CUL2: variants seen among roughly 807,000 people sequenced by gnomAD.
CUL2 encodes cullin 2, also known as cullin-2.
In CUL2, 22 loss-of-function variants were observed where a neutral mutation model predicts 110.2. The observed-to-expected ratio is 0.20, with a 90% CI of 0.14 to 0.28. The LOEUF (loss-of-function observed/expected upper bound fraction) is 0.28. Ranked by LOEUF, CUL2 falls within the 10% of genes least tolerant of loss-of-function variation. The probability of loss-of-function intolerance (pLI) is 1.00; values close to 1 mark genes in which losing one functional copy is unlikely to be tolerated. For missense variants in CUL2, 631 were observed against 905.5 expected, an observed-to-expected ratio of 0.70 and a Z score of 3.89; for synonymous variants, 279 against 293.2, an observed-to-expected ratio of 0.95 and a Z score of 0.49.
At chr10:35,063,381 G>A (rs111461522) in intron 2 of CUL2, among the ~76,000 whole-genome samples, 2 of 152,052 alleles carry the variant, frequency 1.3e-5, no homozygotes, top group African/African-American at 4.8e-5. Flanking sequence ...TACAAAATAA[G>A]GTTTATATTA....
intron 10 of CUL2, among the ~76,000 whole-genome samples, chr10:35,034,906 G>A (rs773184195): frequency 6.6e-6 from 1 of 152,070 alleles, no homozygotes; most frequent in Non-Finnish European, 1.5e-5. Context: ...TAAAAATGGC[G>A]AGCTTATTTT....
At chr10:35,041,811 A>AGCCACCGTGCC (rs2085797396) in intron 8 of CUL2, among the ~76,000 whole-genome samples, 1 of 152,130 alleles carries the variant, frequency 6.6e-6, no homozygotes, top group South Asian at 2.1e-4. Context: ...TGCTGCAATT[A>AGCCACCGTGCC]CAGGTCTGAG....
intron 10 of CUL2, among the ~76,000 whole-genome samples, chr10:35,034,671 GAA>G (rs2085574836): frequency 6.6e-6 from 1 of 152,188 alleles, no homozygotes; most frequent in Non-Finnish European, 1.5e-5. Context: ...AAGTATTCGA[GAA>G]AGATGAGTAT....
intron 1 of CUL2, among the ~76,000 whole-genome samples, chr10:35,073,924 A>ACCTGTT (rs2086749599): frequency 6.6e-6 from 1 of 152,096 alleles, no homozygotes; most frequent in Non-Finnish European, 1.5e-5. Flanking sequence ...CCATTTTCTG[A>ACCTGTT]ATAAGAAAAC....
chr10:35,052,537 C>G (rs574140312), intron 5 of CUL2, among the ~76,000 whole-genome samples: 8 of 152,114 alleles, frequency 5.3e-5, no homozygotes, highest in Admixed American at 2.0e-4. Context: ...CAGACGGGTT[C>G]AAAAATACTT....
At position 35,072,149 on chromosome 10, in the gene CUL2, G is replaced by A. The variant is rs552255955; in HGVS notation, c.-22-810C>T. Among the ~76,000 whole-genome samples the A allele has an allele frequency of 3.0e-4, 45 of 152,098 alleles. No individual in the cohort carries two copies. In the East Asian group the frequency reaches 7.3e-3, roughly 25 times the overall value. Reference sequence around the variant, plus strand: ...CCTGGAGCATCAGTATAAGATTAGGGAAGAAATTTACATTTATATTAAACC... The same window carrying A: ...CCTGGAGCATCAGTATAAGATTAGGAAAGAAATTTACATTTATATTAAACC... On this transcript the variant is annotated intron_variant, in intron 1 of 20. Coordinates refer to ENST00000374749, the MANE Select transcript of CUL2 (RefSeq NM_003591.4).
At chr10:35,116,012 A>G (rs1589071121) in intron 1 of CUL2, among the ~76,000 whole-genome samples, 3 of 152,238 alleles carry the variant, frequency 2.0e-5, no homozygotes, top group East Asian at 1.9e-4. Context: ...TTGAAAGATG[A>G]TATCACTACA....
intron 6 of CUL2, among the ~76,000 whole-genome samples, chr10:35,048,460 A>G (rs1410919687): frequency 6.6e-6 from 1 of 152,244 alleles, no homozygotes; most frequent in African/African-American, 2.4e-5. Context: ...AAATTATATT[A>G]AAAAAGATAT....
At chr10:35,103,323 T>A (rs12268916) in intron 1 of CUL2, among the ~76,000 whole-genome samples, 9 of 112,654 alleles carry the variant, frequency 8.0e-5, no homozygotes, top group African/African-American at 1.3e-4. Flanking sequence ...TTTTTTTTTT[T>A]TTTTTTTTTA....
At chr10:35,052,595 A>G (rs1267477823) in intron 5 of CUL2, among the ~76,000 whole-genome samples, 3 of 152,184 alleles carry the variant, frequency 2.0e-5, no homozygotes, top group South Asian at 2.1e-4. Context: ...GTTGTTTGTA[A>G]TAACAAAAAA....
chr10:35,122,760 C>A (rs1346873689), intron 1 of CUL2, among the ~76,000 whole-genome samples: 1 of 152,166 alleles, frequency 6.6e-6, no homozygotes, highest in Non-Finnish European at 1.5e-5. Flanking sequence ...GCCTCGGGCT[C>A]TTAAGTAGCT....
rs1486070380 is a variant in CUL2, at chr10:35,014,978, A to AT, written c.1888-1179dup. ...TACTAGCCTAAAATTAGAAACCATA[A>AT]TTAATTAACCTTAAGAAATCCCTAT... On this transcript the variant is annotated intron_variant, in intron 18 of 20. Coordinates refer to ENST00000374749, the MANE Select transcript of CUL2 (RefSeq NM_003591.4). Among the ~76,000 whole-genome samples, 8 of 152,160 alleles carry AT rather than the reference A, an allele frequency of 5.3e-5. No homozygotes were observed. In the South Asian group the frequency reaches 1.0e-3, roughly 20 times the overall value.
At chr10:35,037,010 A>G (rs2085639372) in intron 9 of CUL2, among the ~76,000 whole-genome samples, 1 of 152,010 alleles carries the variant, frequency 6.6e-6, no homozygotes, top group Admixed American at 6.6e-5. Flanking sequence ...AATAATCCAA[A>G]GTTTTTCATT....
At chr10:35,050,234 T>C (rs925633796) in intron 5 of CUL2, among the ~76,000 whole-genome samples, 2 of 151,956 alleles carry the variant, frequency 1.3e-5, no homozygotes, top group African/African-American at 2.4e-5. Flanking sequence ...GGCAGGAGAA[T>C]TGCTTGAACC....
rs539327121 is a variant in CUL2, at chr10:35,087,297, A to C, written c.-23+2882T>G. 3.2e-4 allele frequency among the ~76,000 whole-genome samples: 49 copies of C among 152,340 alleles called. No individual in the cohort carries two copies. The South Asian group carries it at 9.9e-3, about 31-fold the overall frequency. On this transcript the variant is annotated intron_variant, in intron 1 of 20. Transcript: ENST00000374749. ...AACATCTTAAATTTTGAGCCATGTG[A>C]ATACAGTTTTTGTTCAAAACATTAG... is the stretch of plus-strand genomic sequence containing the variant.
intron 1 of CUL2, among the ~76,000 whole-genome samples, chr10:35,121,820 A>AT (rs1425256885): frequency 1.3e-4 from 20 of 152,022 alleles, no homozygotes; most frequent in Admixed American, 6.6e-4. Flanking sequence ...AAAAAAAAAA[A>AT]AAAAAATAAA....
At chr10:35,044,150 A>C (rs1050397269) in intron 8 of CUL2, among the ~76,000 whole-genome samples, 2 of 151,998 alleles carry the variant, frequency 1.3e-5, no homozygotes, top group Non-Finnish European at 2.9e-5. Flanking sequence ...AAATGTCTAG[A>C]ATTACTATAT....
At chr10:35,078,112 T>C (rs1213312365) in intron 1 of CUL2, among the ~76,000 whole-genome samples, 1 of 152,166 alleles carries the variant, frequency 6.6e-6, no homozygotes, top group African/African-American at 2.4e-5. Context: ...TAACCTTCCC[T>C]TCTGAGAATC....
chr10:35,122,957 G>A, intron 1 of CUL2, among the ~76,000 whole-genome samples: 1 of 152,066 alleles, frequency 6.6e-6, no homozygotes. Flanking sequence ...CCCCATTTTA[G>A]AGAACCCATC....
Sources: gnomAD v4.1 joint callset for allele counts (sites outside exome capture counted in the v4.1 genomes callset) on GRCh38, gnomAD v4.1.1 for gene constraint, MANE v1.5 for transcripts, NCBI Gene and HGNC (gene_info 2026-07-23, HGNC 2026-07-21) for gene names.